PPL: variants seen among roughly 807,000 people sequenced by gnomAD.
PPL encodes 190 kDa paraneoplastic pemphigus antigen.
Under a neutral mutation model 194.4 loss-of-function variants are expected in PPL, and 198 were observed. The observed-to-expected ratio is 1.02, with a 90% CI of 0.91 to 1.15. PPL has a LOEUF of 1.15. PPL is among the 50% of genes most tolerant of loss of function. The pLI is 0.00. For missense variants in PPL, 2,885 were observed against 2,294.8 expected (o/e 1.26, Z -5.25); for synonymous variants, 1,220 against 972.4 (o/e 1.25, Z -4.74).
chr16:4,900,321 T>C (rs2088535120), intron 6 of PPL, among the ~76,000 whole-genome samples: 1 of 152,028 alleles, frequency 6.6e-6, no homozygotes, highest in Non-Finnish European at 1.5e-5. Context: ...CCCTGGGGCC[T>C]GTTAGGGTTT....
intron 1 of PPL, among the ~76,000 whole-genome samples, chr16:4,914,337 G>A (rs2088877576): frequency 1.3e-5 from 2 of 152,170 alleles, no homozygotes; most frequent in Non-Finnish European, 2.9e-5. Flanking sequence ...CCAGGAAGCT[G>A]TATTATTATT....
At position 4,890,855 on chromosome 16, in the gene PPL, C is replaced by T. The variant is rs547713534; in HGVS notation, c.2035G>A (p.Ala679Thr). Residue 679 changes from alanine to threonine, a missense_variant, in exon 17 of 22, where the codon GCC (alanine) becomes ACC (threonine). Ala to Thr is a moderately conservative substitution (Grantham distance 58). Coordinates refer to ENST00000345988, the MANE Select transcript of PPL (RefSeq NM_002705.5). ...GCCAGTGTGCTCGAGCACTGCTTGG[C>T]CGCCTGCAAGTTCTGCTCCACCTCA... ...LGEVEQNLQA[A>T]KQCSSTLASR... The T allele has an allele frequency of 9.2e-5, 144 of 1,561,114 alleles. No individual in the cohort carries two copies. In the East Asian group the frequency reaches 3.0e-3, roughly 33 times the overall value.
Position 4,910,897 on chromosome 16 carries a change from C to T in PPL, c.115G>A (p.Asp39Asn), listed in dbSNP as rs750317304. ...TCCACGATGTTCTTCTCCACCTGGT[C>T]GGCATTCTTCTGCAGCTGCTCGATC... ...ELIEQLQKNA[D>N]QVEKNIVDTE... The change falls in exon 2 of 22, where the codon GAC becomes AAC. Residue 39 changes from aspartate to asparagine, a missense_variant. Asp to Asn is a conservative substitution (Grantham distance 23). Transcript: ENST00000345988. 1.3e-5 allele frequency: 21 copies of T among 1,613,790 alleles called. No homozygotes were observed. The East Asian group carries it at 1.8e-4, about 14-fold the overall frequency.
chr16:4,888,335 A>T, intron 19 of PPL, 117 bp from the exon 20 acceptor site: 1 of 707,752 alleles, frequency 1.4e-6, no homozygotes. Flanking sequence ...CTGGTTTTAT[A>T]ATCTGCGTGG....
intron 1 of PPL, among the ~76,000 whole-genome samples, chr16:4,935,695 C>T (rs756571424): frequency 6.6e-6 from 1 of 152,186 alleles, no homozygotes; most frequent in Admixed American, 6.5e-5. Flanking sequence ...TGGAAGGCCC[C>T]GGAATGGAGT....
At chr16:4,905,922 T>A (rs768958401) in intron 2 of PPL, among the ~76,000 whole-genome samples, 1 of 152,112 alleles carries the variant, frequency 6.6e-6, no homozygotes, top group East Asian at 1.9e-4. Flanking sequence ...CTGGGCAATA[T>A]AGTGAGACCC....
At chr16:4,898,160 C>G (rs1256769710) in intron 8 of PPL, among the ~76,000 whole-genome samples, 1 of 152,160 alleles carries the variant, frequency 6.6e-6, no homozygotes, top group African/African-American at 2.4e-5. Flanking sequence ...GGTGGATCAC[C>G]TGAGGTCAGG....
intron 2 of PPL, among the ~76,000 whole-genome samples, chr16:4,908,821 G>A (rs1424328015): frequency 2.0e-5 from 3 of 152,212 alleles, no homozygotes; most frequent in African/African-American, 7.2e-5. Context: ...GATTACAGGC[G>A]CGAGCCACCG....
chr16:4,888,848 A>G, intron 19 of PPL, 130 bp downstream of exon 19: 1 of 853,988 alleles, frequency 1.2e-6, no homozygotes, highest in Non-Finnish European at 2.0e-6. Context: ...TTTGCACAGC[A>G]GCCGGCAGTG....
In PPL at chr16:4,885,551, T is replaced by TG. The variant is rs773315260; in HGVS notation, c.3103dup (p.Gln1035ProfsTer9). 6.2e-7 allele frequency: 1 copy of TG among 1,610,696 alleles called. No individual in the cohort carries two copies. Among genetic ancestry groups the TG allele is most frequent in the South Asian group, 1.1e-5 (1 of 91,090 alleles). Reference sequence around the variant, plus strand: ...TTCAGCCAGGGCGGCCACACGCTGCTGCAGGAGGAGCACCTCTGCCTCCCG... The same window carrying TG: ...TTCAGCCAGGGCGGCCACACGCTGCTGGCAGGAGGAGCACCTCTGCCTCCCG... On this transcript the variant is annotated frameshift_variant, in exon 22 of 22. Transcript: ENST00000345988. LOFTEE classifies it high-confidence loss of function. The surrounding 1 kb of genome is among the most constrained non-coding windows in gnomAD (Gnocchi z 6.3).
In PPL at chr16:4,937,030, T is replaced by G. The variant is rs1412684831; in HGVS notation, c.16A>C (p.Arg6=). The change falls in exon 1 of 22, where the codon AGG becomes CGG. Residue 6 remains arginine (R), a synonymous_variant. Transcript: ENST00000345988. Reference sequence around the variant, plus strand: ...CTGTATTTGCCTTTGTTTCTCTTCCTGAAGAGCGAGTTCATGGTGGCGCTC... The same window carrying G: ...CTGTATTTGCCTTTGTTTCTCTTCCGGAAGAGCGAGTTCATGGTGGCGCTC... The part of the protein sequence containing the change: MNSLF[R]KRNKGKYSPT... 2.0e-6 allele frequency: 3 copies of G among 1,516,304 alleles called. No individual in the cohort carries two copies. Among genetic ancestry groups the G allele is most frequent in the Non-Finnish European group, 1.8e-6 (2 of 1,128,666 alleles). 93.9% of individuals were successfully genotyped at this position (1,516,304 alleles called of 1,614,324 possible). A position where few individuals can be genotyped will look rare whatever the true frequency, so the allele number is the denominator to read the frequency against.
chr16:4,922,624 T>C (rs2089072751), intron 1 of PPL, among the ~76,000 whole-genome samples: 1 of 152,116 alleles, frequency 6.6e-6, no homozygotes, highest in African/African-American at 2.4e-5. Flanking sequence ...ACTGTGCCAC[T>C]GCACTCCAGC....
Position 4,899,321 on chromosome 16 carries a change from T to C in PPL, c.670A>G (p.Asn224Asp). The part of the protein sequence containing the change: ...SLQDYMQRCT[N>D]ELYWLDQQAK... ...TGCTGGTCCAGCCAGTACAGCTCAT[T>C]GGTGCAGCGCTGCATGTAGTCCTGC... Residue 224 changes from asparagine (N) to aspartate (D), a missense_variant, in exon 7 of 22, where the codon AAT becomes GAT. Coordinates refer to ENST00000345988, the MANE Select transcript of PPL (RefSeq NM_002705.5). The C allele has an allele frequency of 6.2e-7, 1 of 1,613,610 alleles. No homozygotes were observed. Among genetic ancestry groups the C allele is most frequent in the Non-Finnish European group, 8.5e-7 (1 of 1,179,964 alleles).
rs76244429 is a variant in PPL, at chr16:4,913,518, A to G, written c.63-2569T>C. Among the ~76,000 whole-genome samples the G allele has an allele frequency of 6.7e-3, 1,023 of 152,276 alleles. 6 individuals carry two copies. The highest frequency in any genetic ancestry group is 0.023 in the African/African-American group (969 of 41,554). ...AGGTTTGTGATTTTAGTTGTCAAGG[A>G]GCCTTAGAGATCACCCAGCTCTGCC... is the stretch of plus-strand genomic sequence containing the variant. On this transcript the variant is annotated intron_variant, in intron 1 of 21. Coordinates refer to ENST00000345988, the MANE Select transcript of PPL (RefSeq NM_002705.5).
intron 1 of PPL, among the ~76,000 whole-genome samples, chr16:4,927,374 T>A (rs367775316): frequency 1.6e-4 from 25 of 152,304 alleles, no homozygotes; most frequent in African/African-American, 6.0e-4. Flanking sequence ...ATCAAAAGAA[T>A]GATGTCTGGA....
rs560914153 is a variant in PPL, at chr16:4,885,973, C to A, written c.2682G>T (p.Lys894Asn). 3 of 1,613,796 alleles carry A rather than the reference C, an allele frequency of 1.9e-6. No homozygotes were observed. Among genetic ancestry groups the A allele is most frequent in the Middle Eastern group, 1.6e-4 (1 of 6,062 alleles). Reference protein sequence around the residue: ...RPDSGVEEAWKIRKELDEETE... With the variant: ...RPDSGVEEAWNIRKELDEETE... ...TCTCCTCATCCAGTTCCTTCCTGATCTTCCACGCCTCCTCCACTCCAGAGT... is the reference window on the plus strand; with the variant it reads ...TCTCCTCATCCAGTTCCTTCCTGATATTCCACGCCTCCTCCACTCCAGAGT... Residue 894 changes from lysine to asparagine, a missense_variant, in exon 22 of 22, where the codon AAG (lysine) becomes AAT (asparagine). Physicochemically the swap from Lys to Asn is moderately conservative, Grantham distance 94. Transcript: ENST00000345988. This position sits in a 1 kb window ranked among gnomAD's most constrained non-coding sequence, Gnocchi z 6.3.
chr16:4,908,542 T>C (rs1327177219), intron 2 of PPL, among the ~76,000 whole-genome samples: 2 of 152,002 alleles, frequency 1.3e-5, no homozygotes, highest in Non-Finnish European at 2.9e-5. Context: ...ACTTTATTGA[T>C]TGATTGATTG....
chr16:4,886,579 CA>C (rs1213626308), intron 21 of PPL, among the ~76,000 whole-genome samples: 3 of 152,242 alleles, frequency 2.0e-5, no homozygotes, highest in Non-Finnish European at 4.4e-5. Flanking sequence ...ATGCTGTCAT[CA>C]ACATCATGGA....
intron 21 of PPL, 117 bp downstream of exon 21, chr16:4,887,018 A>T: frequency 1.1e-6 from 1 of 875,056 alleles, no homozygotes; most frequent in Non-Finnish European, 1.9e-6. Context: ...GGCCCTGCCC[A>T]GAAACGTTAG....
Sources: allele counts gnomAD v4.1 joint callset (sites outside exome capture counted in the v4.1 genomes callset), GRCh38; gene constraint gnomAD v4.1.1; non-coding constraint Gnocchi (gnomAD v3.1); transcripts MANE v1.5; gene names NCBI Gene and HGNC (gene_info 2026-07-23, HGNC 2026-07-21).